The following UBE2E2 variants were observed in gnomAD, a reference collection of about 807,000 sequenced individuals.
UBE2E2 encodes ubiquitin-conjugating enzyme E2 E2.
A neutral mutation model predicts 24.7 loss-of-function variants in UBE2E2; 6 were observed. The observed-to-expected ratio is 0.24, with a 90% CI of 0.13 to 0.48. UBE2E2 has a LOEUF of 0.48. UBE2E2 is among the 20% of genes least tolerant of loss of function. The probability of loss-of-function intolerance (pLI) is 0.99; values close to 1 mark genes in which losing one functional copy is unlikely to be tolerated. For missense variants in UBE2E2, 169 were observed against 245.0 expected (o/e 0.69, Z 2.07); for synonymous variants, 104 against 83.6 (o/e 1.24, Z -1.33).
At chr3:23,448,098 G>A (rs964883274) in intron 3 of UBE2E2, among the ~76,000 whole-genome samples, 3 of 151,962 alleles carry the variant, frequency 2.0e-5, no homozygotes, top group Admixed American at 2.0e-4. Context: ...TAATGGATAA[G>A]CCAGTTGTGA....
At chr3:23,208,479 G>A (rs1039971881) in intron 1 of UBE2E2, among the ~76,000 whole-genome samples, 1 of 152,238 alleles carries the variant, frequency 6.6e-6, no homozygotes, top group Admixed American at 6.5e-5. Context: ...AACATTTCAT[G>A]TATAAATTTT....
chr3:23,318,538 A>G (rs1575557822), intron 3 of UBE2E2, among the ~76,000 whole-genome samples: 1 of 152,334 alleles, frequency 6.6e-6, no homozygotes, highest in Middle Eastern at 3.4e-3. Context: ...ATGGACTCAC[A>G]GTTCCACGTG....
chr3:23,482,488 T>C (rs1340295454), intron 3 of UBE2E2, among the ~76,000 whole-genome samples: 1 of 152,084 alleles, frequency 6.6e-6, no homozygotes, highest in African/African-American at 2.4e-5. Flanking sequence ...TCCATCACTT[T>C]TCTGTGGAAC....
chr3:23,547,394 T>C (rs1161264158), intron 5 of UBE2E2, among the ~76,000 whole-genome samples: 1 of 152,232 alleles, frequency 6.6e-6, no homozygotes, highest in Non-Finnish European at 1.5e-5. Flanking sequence ...CTATGGTCTG[T>C]ATACTTCTCT....
chr3:23,319,823 G>A (rs1258163589), intron 3 of UBE2E2, among the ~76,000 whole-genome samples: 1 of 149,008 alleles, frequency 6.7e-6, no homozygotes, highest in African/African-American at 2.5e-5. Flanking sequence ...TCAAAAAAAA[G>A]AACAACAAAA....
At chr3:23,461,843 G>C (rs775775172) in intron 3 of UBE2E2, among the ~76,000 whole-genome samples, 1 of 152,038 alleles carries the variant, frequency 6.6e-6, no homozygotes, top group Non-Finnish European at 1.5e-5. Flanking sequence ...TGCATGTTCT[G>C]AAAACTCAAA....
intron 5 of UBE2E2, among the ~76,000 whole-genome samples, chr3:23,544,688 C>G (rs1013952035): frequency 3.3e-5 from 5 of 152,180 alleles, no homozygotes; most frequent in African/African-American, 1.2e-4. Flanking sequence ...CCCCTCCACA[C>G]CTGTGGGTGT....
chr3:23,329,741 G>C (rs1000431998), intron 3 of UBE2E2, among the ~76,000 whole-genome samples: 1 of 152,122 alleles, frequency 6.6e-6, no homozygotes, highest in Non-Finnish European at 1.5e-5. Flanking sequence ...AATTCCTCCT[G>C]GTCTTCTCTG....
chr3:23,391,734 C>T (rs1204224358), intron 3 of UBE2E2, among the ~76,000 whole-genome samples: 1 of 152,062 alleles, frequency 6.6e-6, no homozygotes, highest in Non-Finnish European at 1.5e-5. Flanking sequence ...GCTTGAAGAG[C>T]CAGAGAAAAC....
At chr3:23,478,468 T>C (rs1362721088) in intron 3 of UBE2E2, among the ~76,000 whole-genome samples, 2 of 152,096 alleles carry the variant, frequency 1.3e-5, no homozygotes, top group African/African-American at 4.8e-5. Context: ...TAAGACTAAG[T>C]ACAAATAGAA....
At chr3:23,554,117 A>G (rs2125500245) in intron 5 of UBE2E2, among the ~76,000 whole-genome samples, 1 of 152,296 alleles carries the variant, frequency 6.6e-6, no homozygotes, top group East Asian at 1.9e-4. Flanking sequence ...AAGAGATATC[A>G]CACTTCCTAA....
Position 23,532,649 on chromosome 3 carries a change from T to A in UBE2E2, c.456T>A (p.Thr152=). 1 of 1,573,662 alleles carries A rather than the reference T, an allele frequency of 6.4e-7. No individual in the cohort carries two copies. Among genetic ancestry groups the A allele is most frequent in the Non-Finnish European group, 8.7e-7 (1 of 1,151,912 alleles). Residue 152 remains threonine (T), a synonymous_variant, in exon 5 of 6, where the codon ACT becomes ACA. Transcript: ENST00000396703. ...ILKDNWSPAL[T]ISKVLLSICS... is the part of the protein sequence containing the mutation. ...AGGACAACTGGAGTCCGGCTTTAAC[T>A]ATTTCTAAAGTTCTCCTCTCCATCT...
At chr3:23,325,204 A>T (rs1300064976) in intron 3 of UBE2E2, among the ~76,000 whole-genome samples, 2 of 152,220 alleles carry the variant, frequency 1.3e-5, no homozygotes, top group Non-Finnish European at 2.9e-5. Context: ...AAGTAGCCAC[A>T]ATAAAGCTAT....
At position 23,457,880 on chromosome 3, in the gene UBE2E2, G is replaced by A. The variant is rs111507017; in HGVS notation, c.228-41728G>A. 7.9e-5 allele frequency among the ~76,000 whole-genome samples: 12 copies of A among 152,306 alleles called. No individual in the cohort carries two copies. In the East Asian group the frequency reaches 1.2e-3, roughly 15 times the overall value. On this transcript the variant is annotated intron_variant, in intron 3 of 5. Transcript: ENST00000396703. ...GAATTGAAGTTAGTTACAGCCTTGC[G>A]CTGGATTAGGTTTTGGCTTGAAGGA...
intron 3 of UBE2E2, among the ~76,000 whole-genome samples, chr3:23,386,538 T>C (rs1696809565): frequency 6.6e-6 from 1 of 152,236 alleles, no homozygotes; most frequent in Non-Finnish European, 1.5e-5. Context: ...TGTAGATGAA[T>C]AATAAAACTG....
At position 23,452,182 on chromosome 3, in the gene UBE2E2, A is replaced by G. The variant is rs1490602380; in HGVS notation, c.228-47426A>G. 2.6e-5 allele frequency among the ~76,000 whole-genome samples: 4 copies of G among 152,192 alleles called. No homozygotes were observed. In the East Asian group the frequency reaches 7.7e-4, roughly 29 times the overall value. ...ATATGTTAGTTCATATCCTCATTTA[A>G]TGAATGTTCTATATCCACTGGTGAA... On this transcript the variant is annotated intron_variant, in intron 3 of 5. Coordinates refer to ENST00000396703, the MANE Select transcript of UBE2E2 (RefSeq NM_152653.4).
intron 3 of UBE2E2, among the ~76,000 whole-genome samples, chr3:23,224,388 G>A (rs187924830): frequency 6.6e-6 from 1 of 151,706 alleles, no homozygotes; most frequent in African/African-American, 2.4e-5. Flanking sequence ...TTGTTAGATT[G>A]ATTCCTAGGC....
chr3:23,300,508 G>C lies in UBE2E2; in HGVS notation c.227+83196G>C, dbSNP rs895041825. Among the ~76,000 whole-genome samples the C allele has an allele frequency of 1.4e-4, 22 of 152,168 alleles. 1 individual carries two copies. The highest frequency in any genetic ancestry group is 7.9e-4 in the Admixed American group (12 of 15,284). On this transcript the variant is annotated intron_variant, in intron 3 of 5. Coordinates refer to ENST00000396703, the MANE Select transcript of UBE2E2 (RefSeq NM_152653.4). ...TGACAAAATCTCTCAGCATTTGCTT[G>C]TCTGTAAAGTATTTTATTTCTCCTT...
intron 3 of UBE2E2, among the ~76,000 whole-genome samples, chr3:23,354,113 C>A (rs1323256356): frequency 1.3e-5 from 2 of 152,032 alleles, no homozygotes; most frequent in African/African-American, 4.8e-5. Flanking sequence ...CTTTGACAAA[C>A]CTGAGAAAAG....
Sources: gnomAD v4.1 joint callset for allele counts (sites outside exome capture counted in the v4.1 genomes callset) on GRCh38, gnomAD v4.1.1 for gene constraint, MANE v1.5 for transcripts, NCBI Gene and HGNC (gene_info 2026-07-23, HGNC 2026-07-21) for gene names.